The following STARD10 variants were observed in gnomAD, a reference collection of about 807,000 sequenced individuals.
STARD10 encodes START domain-containing protein 10.
Under a neutral mutation model 36.0 loss-of-function variants are expected in STARD10, and 24 were observed. That is an observed-to-expected ratio of 0.67 (90% CI 0.48 to 0.94). STARD10 has a LOEUF of 0.94. STARD10 is among the 40% of genes least tolerant of loss of function. The pLI, the probability that STARD10 is intolerant of heterozygous loss-of-function variation, is 0.00. For missense variants in STARD10, 335 were observed against 396.6 expected (o/e 0.84, Z 1.32); for synonymous variants, 156 against 161.9 (o/e 0.96, Z 0.28).
chr11:72,757,730 A>C, intron 5 of STARD10, 37 bp downstream of exon 5: 10 of 1,564,190 alleles, frequency 6.4e-6, no homozygotes, highest in African/African-American at 1.4e-5. Context: ...GGTATAGGGA[A>C]GGATCCCATG....
At chr11:72,787,657 G>C (rs900022773) in intron 1 of STARD10, among the ~76,000 whole-genome samples, 1 of 152,226 alleles carries the variant, frequency 6.6e-6, no homozygotes, top group East Asian at 1.9e-4. Context: ...CCTTCCAAAA[G>C]CCCGGGAGTT....
chr11:72,789,842 G>A (rs1285176439), intron 1 of STARD10, among the ~76,000 whole-genome samples: 1 of 152,190 alleles, frequency 6.6e-6, no homozygotes, highest in South Asian at 2.1e-4. Flanking sequence ...GCTCCCTGCC[G>A]TGAGTCCCTG....
intron 2 of STARD10, among the ~76,000 whole-genome samples, chr11:72,762,542 T>C (rs1263181830): frequency 6.6e-6 from 1 of 152,054 alleles, no homozygotes; most frequent in East Asian, 1.9e-4. Context: ...ATCCAACCAT[T>C]TAATCAGCAG....
At chr11:72,758,387 T>C (rs1171765004) in intron 4 of STARD10, 143 bp downstream of exon 4, 1 of 687,216 alleles carries the variant, frequency 1.5e-6, no homozygotes, top group African/African-American at 1.8e-5. Context: ...AGAGGAGCCA[T>C]TATCCTCACT....
chr11:72,763,874 G>A (rs560547515), intron 2 of STARD10, among the ~76,000 whole-genome samples: 3 of 152,148 alleles, frequency 2.0e-5, no homozygotes, highest in Non-Finnish European at 2.9e-5. Flanking sequence ...GCTGGTGGTC[G>A]CTGTTATTAT....
intron 2 of STARD10, among the ~76,000 whole-genome samples, chr11:72,761,632 C>T (rs1234915060): frequency 6.6e-6 from 1 of 152,008 alleles, no homozygotes; most frequent in Non-Finnish European, 1.5e-5. Flanking sequence ...GTAATCCCAG[C>T]TACTCAGGAA....
intron 1 of STARD10, among the ~76,000 whole-genome samples, chr11:72,788,768 G>A (rs1260264948): frequency 6.6e-6 from 1 of 152,074 alleles, no homozygotes; most frequent in Non-Finnish European, 1.5e-5. Flanking sequence ...TCACTATGTT[G>A]GCCAGGCTGG....
intron 1 of STARD10, among the ~76,000 whole-genome samples, chr11:72,791,664 T>C: frequency 6.6e-6 from 1 of 150,820 alleles, no homozygotes; most frequent in East Asian, 2.0e-4. Context: ...GATCGCACCC[T>C]TGCACTCCAG....
At chr11:72,789,663 C>A (rs972089305) in intron 1 of STARD10, among the ~76,000 whole-genome samples, 8 of 152,160 alleles carry the variant, frequency 5.3e-5, no homozygotes, top group African/African-American at 1.9e-4. Flanking sequence ...CCCAGGACCG[C>A]GTGAGGACTG....
At chr11:72,760,328 A>G (rs1565239444) in intron 2 of STARD10, among the ~76,000 whole-genome samples, 1 of 151,792 alleles carries the variant, frequency 6.6e-6, no homozygotes, top group African/African-American at 2.4e-5. Context: ...CCGGTTTCAA[A>G]GGATTCTCCT....
rs760511645 is a variant in STARD10 at position 72,754,909 on chromosome 11, G to A, written c.864C>T (p.Thr288=). Residue 288 remains threonine (T), a synonymous_variant, in exon 7 of 7, where the codon ACC becomes ACT. Transcript: ENST00000334805. ...AGCGGTGCGGCGCTCAGGTGAGCGAGGTGTCGTCGTCGCTGCCCTCGCCGC... is the reference window on the plus strand; with the variant it reads ...AGCGGTGCGGCGCTCAGGTGAGCGAAGTGTCGTCGTCGCTGCCCTCGCCGC... ...GAGGEGSDDD[T]SLT is the part of the protein sequence containing the mutation. 5.0e-6 allele frequency: 8 copies of A among 1,599,526 alleles called. No homozygotes were observed. In the East Asian group the frequency reaches 1.8e-4, roughly 36 times the overall value.
intron 2 of STARD10, among the ~76,000 whole-genome samples, chr11:72,761,917 C>CTTTTCTTTTCTTTTTT (rs1555023007): frequency 2.7e-5 from 1 of 37,472 alleles, no homozygotes; most frequent in African/African-American, 1.2e-4. Context: ...CTTTTCTTTT[C>CTTTTCTTTTCTTTTTT]TTTTTTTTTT....
At chr11:72,759,652 C>A (rs939693542) in intron 2 of STARD10, among the ~76,000 whole-genome samples, 4 of 152,184 alleles carry the variant, frequency 2.6e-5, no homozygotes, top group African/African-American at 7.2e-5. Context: ...CCCAGCCAGA[C>A]CTTCTGGGCT....
intron 1 of STARD10, among the ~76,000 whole-genome samples, chr11:72,792,581 A>G (rs1416947806): frequency 2.0e-5 from 3 of 151,978 alleles, no homozygotes; most frequent in Non-Finnish European, 2.9e-5. Context: ...GGTTAGCTGC[A>G]TGATCCTGCA....
chr11:72,780,073 T>C (rs942807914), intron 2 of STARD10: 10 of 361,314 alleles, frequency 2.8e-5, no homozygotes, highest in Admixed American at 1.3e-4. Flanking sequence ...CCAGAGCCCA[T>C]TGCAAGGGGA....
chr11:72,785,286 C>T (rs1048761742), intron 1 of STARD10, among the ~76,000 whole-genome samples: 1 of 151,978 alleles, frequency 6.6e-6, no homozygotes, highest in Non-Finnish European at 1.5e-5. Flanking sequence ...ACCTAGGGGC[C>T]GGGTGTGGTG....
chr11:72,786,504 G>A (rs1370140168), intron 1 of STARD10, among the ~76,000 whole-genome samples: 1 of 152,204 alleles, frequency 6.6e-6, no homozygotes, highest in Non-Finnish European at 1.5e-5. Flanking sequence ...TTTGCCCAGG[G>A]TGGGTCTCAT....
At position 72,755,124 on chromosome 11, in the gene STARD10, T is replaced by C. The variant is rs1181884592; in HGVS notation, c.649A>G (p.Lys217Glu). The C allele has an allele frequency of 2.5e-6, 4 of 1,612,814 alleles. No homozygotes were observed. The South Asian group carries it at 3.3e-5, about 13-fold the overall frequency. Residue 217 changes from lysine (K) to glutamate (E), a missense_variant, in exon 7 of 7, where the codon AAG becomes GAG. Coordinates refer to ENST00000334805, the MANE Select transcript of STARD10 (RefSeq NM_006645.3). ...LAPKAMKKMYKACLKYPEWKQ... is the reference protein window; with the variant it reads ...LAPKAMKKMYEACLKYPEWKQ... ...CACTCGGGGTACTTGAGGCACGCCTTGTACATCTTCTTCATGGCCTGTGGG... is the reference window on the plus strand; with the variant it reads ...CACTCGGGGTACTTGAGGCACGCCTCGTACATCTTCTTCATGGCCTGTGGG...
At chr11:72,767,019 T>C (rs1051309607) in intron 2 of STARD10, among the ~76,000 whole-genome samples, 3 of 152,216 alleles carry the variant, frequency 2.0e-5, no homozygotes, top group African/African-American at 7.2e-5. Flanking sequence ...CTCTGAAATA[T>C]CCCACAGGCT....
Sources: allele counts gnomAD v4.1 joint callset (sites outside exome capture counted in the v4.1 genomes callset), GRCh38; gene constraint gnomAD v4.1.1; transcripts MANE v1.5; gene names NCBI Gene and HGNC (gene_info 2026-07-23, HGNC 2026-07-21).